The following ENTREP2 variants were observed in gnomAD, a reference collection of about 807,000 sequenced individuals.
ENTREP2 encodes the protein protein ENTREP2.
the ENTREP2 span, among the ~76,000 whole-genome samples, chr15:29,315,042 C>G: frequency 2.0e-5 from 3 of 152,112 alleles, no homozygotes; most frequent in African/African-American, 7.2e-5. Flanking sequence ...CAGAGCGAGA[C>G]TTTGTCTCAA....
chr15:29,214,635 T>C, the ENTREP2 span, among the ~76,000 whole-genome samples: 3 of 150,690 alleles, frequency 2.0e-5, no homozygotes, highest in Non-Finnish European at 2.9e-5. Context: ...CATGTATACA[T>C]ATGTAACAAA....
chr15:29,342,581 G>A, the ENTREP2 span, among the ~76,000 whole-genome samples: 53 of 152,158 alleles, frequency 3.5e-4, no homozygotes, highest in African/African-American at 1.2e-3. Context: ...TGGTTGGGGG[G>A]GCATTTTACA....
chr15:29,456,272 AT>A, the ENTREP2 span, among the ~76,000 whole-genome samples: 1 of 152,132 alleles, frequency 6.6e-6, no homozygotes, highest in East Asian at 1.9e-4. Context: ...GTTTGTTTTC[AT>A]TTTGTCAGGA....
the ENTREP2 span, among the ~76,000 whole-genome samples, chr15:29,520,908 A>G: frequency 6.6e-6 from 1 of 152,214 alleles, no homozygotes; most frequent in Non-Finnish European, 1.5e-5. Flanking sequence ...CTGTAGAGAA[A>G]GATTAAAGAC....
the ENTREP2 span, among the ~76,000 whole-genome samples, chr15:29,472,951 C>T: frequency 1.1e-4 from 17 of 152,238 alleles, no homozygotes; most frequent in African/African-American, 4.1e-4. Context: ...GACAAAACAG[C>T]CACTGGCTGG....
At chr15:29,269,831 C>T in the ENTREP2 span, 2 of 922,422 alleles carry the variant, frequency 2.2e-6, no homozygotes, top group Non-Finnish European at 3.0e-6. Context: ...CTGCGTGCTG[C>T]GTCATGAAGC....
the ENTREP2 span, among the ~76,000 whole-genome samples, chr15:29,163,805 A>ATTCC: frequency 3.3e-5 from 5 of 152,234 alleles, no homozygotes; most frequent in Non-Finnish European, 1.5e-5. Flanking sequence ...AAGTGCAAGA[A>ATTCC]GAACAAAGAA....
chr15:29,298,066 G>A, the ENTREP2 span, among the ~76,000 whole-genome samples: 1 of 152,250 alleles, frequency 6.6e-6, no homozygotes, highest in East Asian at 1.9e-4. Flanking sequence ...AAAATGTATG[G>A]TTTCTGACAA....
the ENTREP2 span, among the ~76,000 whole-genome samples, chr15:29,625,435 G>A: frequency 5.9e-5 from 9 of 152,064 alleles, no homozygotes; most frequent in Non-Finnish European, 1.2e-4. Flanking sequence ...TGGCTCTGTC[G>A]CTCAGGCTGG....
chr15:29,446,389 T>G, the ENTREP2 span, among the ~76,000 whole-genome samples: 21 of 152,284 alleles, frequency 1.4e-4, 1 homozygote, highest in Admixed American at 1.4e-3. Context: ...TGGAAGGTTT[T>G]TTTTTCCTGG....
the ENTREP2 span, chr15:29,570,034 C>A: frequency 8.3e-6 from 1 of 120,296 alleles, no homozygotes; most frequent in Non-Finnish European, 1.7e-5. Context: ...GGCGCCCCTC[C>A]CCCGCCCCCC....
the ENTREP2 span, among the ~76,000 whole-genome samples, chr15:29,586,774 AAAAG>A: frequency 1.3e-5 from 2 of 152,142 alleles, no homozygotes; most frequent in Admixed American, 6.5e-5. Context: ...AAGAAAAGAA[AAAAG>A]AAAGAAAGTA....
chr15:29,572,567 A>C, the ENTREP2 span, among the ~76,000 whole-genome samples: 1 of 150,110 alleles, frequency 6.7e-6, no homozygotes, highest in Non-Finnish European at 1.5e-5. Flanking sequence ...TTACGTTCTT[A>C]GGGTACATCA....
At chr15:29,426,834 C>T in the ENTREP2 span, among the ~76,000 whole-genome samples, 1 of 152,138 alleles carries the variant, frequency 6.6e-6, no homozygotes, top group Non-Finnish European at 1.5e-5. Flanking sequence ...TTCACAAATA[C>T]TTCAAAATGC....
At chr15:29,186,477 G>C in the ENTREP2 span, among the ~76,000 whole-genome samples, 1 of 152,234 alleles carries the variant, frequency 6.6e-6, no homozygotes, top group Admixed American at 6.5e-5. Flanking sequence ...CTGCAATCTG[G>C]AAGGAGGCTG....
the ENTREP2 span, among the ~76,000 whole-genome samples, chr15:29,224,093 T>C: frequency 1.3e-5 from 2 of 152,166 alleles, no homozygotes; most frequent in Non-Finnish European, 2.9e-5. Flanking sequence ...CCAGACTTTG[T>C]TCCTTCTGGT....
the ENTREP2 span, among the ~76,000 whole-genome samples, chr15:29,652,604 G>A: frequency 8.5e-5 from 13 of 152,354 alleles, no homozygotes; most frequent in African/African-American, 1.2e-4. Flanking sequence ...GAGGCCCTGC[G>A]GTTCTTGGAG....
At chr15:29,201,060 A>G in the ENTREP2 span, among the ~76,000 whole-genome samples, 1 of 152,224 alleles carries the variant, frequency 6.6e-6, no homozygotes, top group Non-Finnish European at 1.5e-5. Flanking sequence ...TATACAGTTC[A>G]CTATTAATAC....
the ENTREP2 span, chr15:29,268,741 T>C: frequency 6.5e-7 from 1 of 1,540,392 alleles, no homozygotes. Flanking sequence ...CTCTAAACTG[T>C]GCCTTTGGGT....
Sources: gnomAD v4.1 joint callset for allele counts (sites outside exome capture counted in the v4.1 genomes callset) on GRCh38, gnomAD v4.1.1 for gene constraint, MANE v1.5 for transcripts, NCBI Gene and HGNC (gene_info 2026-07-23, HGNC 2026-07-21) for gene names.